FILIP1L: variants seen among roughly 807,000 people sequenced by gnomAD.
FILIP1L encodes the protein filamin A-interacting protein 1-like.
A neutral mutation model predicts 96.6 loss-of-function variants in FILIP1L; 55 were observed. The observed-to-expected ratio is 0.57, with a 90% CI of 0.46 to 0.71. The LOEUF (loss-of-function observed/expected upper bound fraction) is 0.71. Ranked by LOEUF, FILIP1L falls within the 30% of genes least tolerant of loss-of-function variation. The pLI is 0.00. For synonymous variants in FILIP1L, 467 were observed against 473.9 expected (o/e 0.99, Z 0.19); for missense variants, 1,304 against 1,321.2 (o/e 0.99, Z 0.20).
chr3:100,057,334 G>A (rs1447971461), intron 1 of FILIP1L, among the ~76,000 whole-genome samples: 1 of 152,162 alleles, frequency 6.6e-6, no homozygotes, highest in Non-Finnish European at 1.5e-5. Flanking sequence ...TCTAGGCCAA[G>A]CTTCTTGCCC....
chr3:99,857,309 G>A (rs1944013998), intron 4 of FILIP1L, among the ~76,000 whole-genome samples: 1 of 152,200 alleles, frequency 6.6e-6, no homozygotes, highest in Non-Finnish European at 1.5e-5. Flanking sequence ...AGAGCCTCTA[G>A]AAAGAATCAA....
intron 4 of FILIP1L, among the ~76,000 whole-genome samples, chr3:99,857,815 A>G (rs937241210): frequency 6.6e-6 from 1 of 152,130 alleles, no homozygotes; most frequent in African/African-American, 2.4e-5. Flanking sequence ...AAGGAAACCT[A>G]TTTTTCACTA....
At chr3:99,979,937 G>T (rs1299020143) in intron 1 of FILIP1L, among the ~76,000 whole-genome samples, 2 of 152,194 alleles carry the variant, frequency 1.3e-5, no homozygotes, top group African/African-American at 4.8e-5. Flanking sequence ...GAACTAATTT[G>T]TGGTTAAGGA....
Position 99,930,992 on chromosome 3 carries a change from C to A in FILIP1L, c.29G>T (p.Gly10Val), listed in dbSNP as rs1331722713. The change falls in exon 2 of 6, where the codon GGC (glycine) becomes GTC (valine). Residue 10 changes from glycine (G) to valine (V), a missense_variant. By Grantham distance (109) the Gly-to-Val change is moderately radical (BLOSUM62 -3). Transcript: ENST00000477258. MRSRGSDTE[G>V]SAQKKFPRHT... is the part of the protein sequence containing the mutation. Reference sequence around the variant, plus strand: ...TCTTGGAAATTTCTTTTGGGCTGAGCCCTCGGTATCACTGCCTCTGGAACG... The same window carrying A: ...TCTTGGAAATTTCTTTTGGGCTGAGACCTCGGTATCACTGCCTCTGGAACG... The A allele has an allele frequency of 1.2e-6, 2 of 1,613,596 alleles. No individual in the cohort carries two copies. Among genetic ancestry groups the A allele is most frequent in the South Asian group, 2.2e-5 (2 of 91,042 alleles).
chr3:99,974,336 T>G (rs1276626244), intron 1 of FILIP1L, among the ~76,000 whole-genome samples: 2 of 152,234 alleles, frequency 1.3e-5, no homozygotes, highest in Non-Finnish European at 2.9e-5. Context: ...AGGATTTTTC[T>G]TTGTAAGTTT....
intron 1 of FILIP1L, among the ~76,000 whole-genome samples, chr3:99,974,304 A>T (rs546900924): frequency 1.2e-4 from 19 of 152,326 alleles, no homozygotes; most frequent in African/African-American, 3.8e-4. Context: ...TTGGACCTGC[A>T]GTTTTTAGAA....
chr3:99,910,896 C>G (rs533862428), intron 4 of FILIP1L, among the ~76,000 whole-genome samples: 1 of 152,292 alleles, frequency 6.6e-6, no homozygotes, highest in South Asian at 2.1e-4. Flanking sequence ...GTTATATTCT[C>G]TAAGTAAGGT....
intron 1 of FILIP1L, among the ~76,000 whole-genome samples, chr3:99,940,453 TC>T (rs1337280294): frequency 1.3e-5 from 2 of 152,202 alleles, no homozygotes; most frequent in Non-Finnish European, 2.9e-5. Flanking sequence ...TGAATTTTTG[TC>T]CGTTTGGACC....
intron 1 of FILIP1L, among the ~76,000 whole-genome samples, chr3:100,064,405 T>G (rs1407901569): frequency 6.6e-6 from 1 of 152,122 alleles, no homozygotes; most frequent in Admixed American, 6.5e-5. Context: ...ACCCTTTTTT[T>G]TTTTTCAACA....
rs377075355 is a variant in FILIP1L at position 99,848,404 on chromosome 3, C to T, written c.3272G>A (p.Arg1091Gln). 2.9e-5 allele frequency: 46 copies of T among 1,613,994 alleles called. No individual in the cohort carries two copies. The East Asian group carries it at 7.4e-4, about 26-fold the overall frequency. Residue 1091 changes from arginine (R) to glutamine (Q), a missense_variant, in exon 5 of 6, where the codon CGA becomes CAA. Arg to Gln is a conservative substitution (Grantham distance 43). Transcript: ENST00000477258. ...ASPSAPLQDN[R>Q]TQGLINGALN... ...TGCCCCGTTAATTAAGCCTTGAGTT[C>T]GGTTATCCTGCAGTGGTGCTGAAGG...
intron 1 of FILIP1L, among the ~76,000 whole-genome samples, chr3:99,950,275 A>G (rs144175788): frequency 6.6e-6 from 1 of 152,294 alleles, no homozygotes; most frequent in Admixed American, 6.5e-5. Flanking sequence ...CTGGAAAAGG[A>G]TGATAGTTAT....
intron 1 of FILIP1L, among the ~76,000 whole-genome samples, chr3:100,065,487 C>T (rs1452652872): frequency 6.6e-6 from 1 of 152,184 alleles, no homozygotes; most frequent in Non-Finnish European, 1.5e-5. Context: ...TCTGTATCCT[C>T]CATCTACCCG....
At chr3:99,895,518 T>G (rs1446394265) in intron 4 of FILIP1L, among the ~76,000 whole-genome samples, 1 of 152,186 alleles carries the variant, frequency 6.6e-6, no homozygotes, top group African/African-American at 2.4e-5. Context: ...GAGGCCAAGT[T>G]CCTGGTGGTG....
chr3:99,863,335 T>G (rs994185231), intron 4 of FILIP1L, among the ~76,000 whole-genome samples: 6 of 152,172 alleles, frequency 3.9e-5, no homozygotes, highest in African/African-American at 1.4e-4. Flanking sequence ...TCCTGCTATG[T>G]GACCCGGTAA....
intron 1 of FILIP1L, among the ~76,000 whole-genome samples, chr3:100,053,786 C>G (rs192817985): frequency 6.6e-6 from 1 of 152,166 alleles, no homozygotes; most frequent in Non-Finnish European, 1.5e-5. Flanking sequence ...CACAGAAACC[C>G]TAACTAATCA....
intron 1 of FILIP1L, among the ~76,000 whole-genome samples, chr3:100,067,711 CTG>C (rs2065690568): frequency 6.6e-6 from 1 of 152,124 alleles, no homozygotes; most frequent in African/African-American, 2.4e-5. Context: ...AGTTTAAAAA[CTG>C]TGTACTGCAC....
chr3:99,954,612 G>C (rs1708266724), intron 1 of FILIP1L, among the ~76,000 whole-genome samples: 1 of 152,040 alleles, frequency 6.6e-6, no homozygotes, highest in Admixed American at 6.6e-5. Context: ...GATTACTTAA[G>C]GTCAGGAGTT....
chr3:99,909,842 G>T (rs1368914961), intron 4 of FILIP1L, among the ~76,000 whole-genome samples: 1 of 152,144 alleles, frequency 6.6e-6, no homozygotes, highest in Admixed American at 6.5e-5. Context: ...GAGAGTAGGT[G>T]ATGAAAGTCA....
At chr3:100,030,146 A>G (rs188149818) in intron 1 of FILIP1L, among the ~76,000 whole-genome samples, 68 of 152,320 alleles carry the variant, frequency 4.5e-4, no homozygotes, top group African/African-American at 1.5e-3. Context: ...TCACACAACT[A>G]GAGTTAACCA....
Sources: allele counts gnomAD v4.1 joint callset (sites outside exome capture counted in the v4.1 genomes callset), GRCh38; gene constraint gnomAD v4.1.1; transcripts MANE v1.5; gene names NCBI Gene and HGNC (gene_info 2026-07-23, HGNC 2026-07-21).